The following OTOGL variants were observed in gnomAD, a reference collection of about 807,000 sequenced individuals.
OTOGL encodes the protein otogelin-like protein.
A neutral mutation model predicts 318.5 loss-of-function variants in OTOGL; 285 were observed. The observed-to-expected ratio is 0.89, with a 90% CI of 0.81 to 0.99. The LOEUF is 0.99. Ranked by LOEUF, OTOGL falls within the 50% of genes least tolerant of loss-of-function variation. The pLI, the probability that OTOGL is intolerant of heterozygous loss-of-function variation, is 0.00. For missense variants in OTOGL, 2,899 were observed against 2,845.6 expected, an observed-to-expected ratio of 1.02 and a Z score of -0.43; for synonymous variants, 987 against 936.5, an observed-to-expected ratio of 1.05 and a Z score of -0.99.
chr12:80,310,853 A>AG (rs1253262798), intron 30 of OTOGL, 126 bp downstream of exon 30: 2 of 670,648 alleles, frequency 3.0e-6, no homozygotes, highest in Admixed American at 3.3e-5. Context: ...AACTATTGTT[A>AG]GGGGGGCATA....
chr12:80,341,910 T>A, intron 43 of OTOGL, 38 bp from the exon 44 acceptor site: 1 of 1,407,280 alleles, frequency 7.1e-7, no homozygotes, highest in Non-Finnish European at 9.8e-7. Context: ...TACATTAGTT[T>A]AAGTTTTTTT....
chr12:80,317,680 A>G (rs1311965657), intron 32 of OTOGL, among the ~76,000 whole-genome samples: 2 of 152,118 alleles, frequency 1.3e-5, no homozygotes, highest in East Asian at 3.8e-4. Flanking sequence ...GGTTTTTGTC[A>G]CTTTCCTCTT....
chr12:80,139,610 C>G (rs1871798008), intron 1 of OTOGL, among the ~76,000 whole-genome samples: 1 of 152,166 alleles, frequency 6.6e-6, no homozygotes, highest in African/African-American at 2.4e-5. Context: ...GCTTTGATTT[C>G]AAGTTACTCT....
intron 43 of OTOGL, among the ~76,000 whole-genome samples, chr12:80,341,166 A>G (rs1592729417): frequency 6.6e-6 from 1 of 152,086 alleles, no homozygotes; most frequent in Admixed American, 6.6e-5. Context: ...GCCTGGTCTC[A>G]TTACTTTCCT....
intron 17 of OTOGL, among the ~76,000 whole-genome samples, chr12:80,256,840 C>T (rs745528099): frequency 1.3e-5 from 2 of 152,034 alleles, no homozygotes; most frequent in African/African-American, 2.4e-5. Flanking sequence ...GGTGATTATA[C>T]AATGATTGTC....
At chr12:80,287,565 A>G (rs1446020907) in intron 26 of OTOGL, among the ~76,000 whole-genome samples, 1 of 152,194 alleles carries the variant, frequency 6.6e-6, no homozygotes, top group Non-Finnish European at 1.5e-5. Context: ...AACTTGCTTT[A>G]TGAATCTGAG....
At chr12:80,299,870 G>A (rs1447981303) in intron 27 of OTOGL, among the ~76,000 whole-genome samples, 1 of 152,074 alleles carries the variant, frequency 6.6e-6, no homozygotes, top group African/African-American at 2.4e-5. Context: ...TTAAGAATCT[G>A]AAAAGTAAGG....
At chr12:80,169,233 T>C (rs1874029672) in intron 1 of OTOGL, among the ~76,000 whole-genome samples, 1 of 152,224 alleles carries the variant, frequency 6.6e-6, no homozygotes, top group Non-Finnish European at 1.5e-5. Flanking sequence ...CCTTATCTTC[T>C]TGATATTTTC....
chr12:80,186,898 T>A (rs1377340570), intron 1 of OTOGL, among the ~76,000 whole-genome samples: 1 of 152,152 alleles, frequency 6.6e-6, no homozygotes, highest in Non-Finnish European at 1.5e-5. Context: ...GAATGACTCA[T>A]CTTTTCCTTT....
rs182590687 is a variant in OTOGL, at chr12:80,120,721, C to T, written c.-20+21116C>T. On this transcript the variant is annotated intron_variant, in intron 1 of 58. Coordinates refer to ENST00000547103, the MANE Select transcript of OTOGL (RefSeq NM_001378609.3). ...AAGCTGACTTGTTAAAAGATTCCCT[C>T]GATATAAAAACACAAACTATACAAA... Among the ~76,000 whole-genome samples, 13 of 152,240 alleles carry T rather than the reference C, an allele frequency of 8.5e-5. 1 individual carries two copies. The highest frequency in any genetic ancestry group is 2.9e-4 in the African/African-American group (12 of 41,552).
chr12:80,330,675 T>TA (rs1300298215), intron 37 of OTOGL, among the ~76,000 whole-genome samples: 2 of 152,126 alleles, frequency 1.3e-5, no homozygotes, highest in African/African-American at 2.4e-5. Context: ...CTCTCAAAGA[T>TA]AAAAAAATAA....
In OTOGL at chr12:80,271,783, G is replaced by A. The variant is rs1883431023; in HGVS notation, c.2654G>A (p.Cys885Tyr). The A allele has an allele frequency of 1.2e-6, 2 of 1,612,908 alleles. No individual in the cohort carries two copies. The highest frequency in any genetic ancestry group is 1.7e-6 in the Non-Finnish European group (2 of 1,179,342). Reference sequence around the variant, plus strand: ...TTCACCTGCACCCCATCCTCACCCTGTATAAGTGGCTGTGTTTGTGCTCCA... The same window carrying A: ...TTCACCTGCACCCCATCCTCACCCTATATAAGTGGCTGTGTTTGTGCTCCA... The part of the protein sequence containing the change: ...MNFTCTPSSP[C>Y]ISGCVCAPGM... Residue 885 changes from cysteine (C) to tyrosine (Y), a missense_variant, in exon 24 of 59, where the codon TGT (cysteine) becomes TAT (tyrosine). Around this residue, in one of 3 missense-constraint regions of OTOGL, gnomAD observed 2,607 missense variants for 2,524.9 expected, o/e 1.03. Coordinates refer to ENST00000547103, the MANE Select transcript of OTOGL (RefSeq NM_001378609.3).
intron 35 of OTOGL, among the ~76,000 whole-genome samples, chr12:80,324,666 A>G (rs953147951): frequency 6.6e-6 from 1 of 152,214 alleles, no homozygotes; most frequent in African/African-American, 2.4e-5. Context: ...TGATACAGAC[A>G]AGAAATGAAG....
At chr12:80,128,783 C>G (rs1871038582) in intron 1 of OTOGL, among the ~76,000 whole-genome samples, 1 of 152,210 alleles carries the variant, frequency 6.6e-6, no homozygotes, top group Non-Finnish European at 1.5e-5. Context: ...GCCGTTTGAT[C>G]TCAGACTGCT....
chr12:80,255,212 G>C lies in OTOGL; in HGVS notation c.1587+27G>C, dbSNP rs190639487. Reference sequence around the variant, plus strand: ...TAAGAACATTTCAAAATGACCAGAGGAATATGGATTCACTGATTTTTGCTT... The same window carrying C: ...TAAGAACATTTCAAAATGACCAGAGCAATATGGATTCACTGATTTTTGCTT... On this transcript the variant is annotated intron_variant, in intron 16 of 58. Coordinates refer to ENST00000547103, the MANE Select transcript of OTOGL (RefSeq NM_001378609.3). 6.8e-4 allele frequency: 936 copies of C among 1,373,000 alleles called. 9 individuals are homozygous for C. The African/African-American group carries it at 0.012, about 18-fold the overall frequency. The allele number at this position is 1,373,000 out of a possible 1,614,324, so 85.1% of individuals were successfully genotyped here.
At chr12:80,266,359 G>A in intron 20 of OTOGL, 92 bp from the exon 21 acceptor site, 2 of 1,333,370 alleles carry the variant, frequency 1.5e-6, no homozygotes, top group Non-Finnish European at 1.0e-6. Flanking sequence ...TAACAGGCCA[G>A]CTTTCATTTT....
chr12:80,181,639 T>A (rs1380446028), intron 1 of OTOGL, among the ~76,000 whole-genome samples: 1 of 152,156 alleles, frequency 6.6e-6, no homozygotes, highest in African/African-American at 2.4e-5. Context: ...GATTTTTTTT[T>A]TTGGCTGTAA....
At chr12:80,171,990 AT>A (rs1322935092) in intron 1 of OTOGL, among the ~76,000 whole-genome samples, 7 of 152,278 alleles carry the variant, frequency 4.6e-5, no homozygotes, top group Non-Finnish European at 7.3e-5. Flanking sequence ...AGATAGACAT[AT>A]AATGCTATAA....
chr12:80,320,845 C>T (rs2137834155), intron 34 of OTOGL, 145 bp downstream of exon 34: 1 of 754,428 alleles, frequency 1.3e-6, no homozygotes, highest in Middle Eastern at 3.9e-4. Context: ...AACCTCTATA[C>T]CCCTCTATAT....
Sources: allele counts gnomAD v4.1 joint callset (sites outside exome capture counted in the v4.1 genomes callset), GRCh38; gene constraint gnomAD v4.1.1; regional missense constraint gnomAD v4.1.1; transcripts MANE v1.5; gene names NCBI Gene and HGNC (gene_info 2026-07-23, HGNC 2026-07-21).